The following EDNRA variants were observed in gnomAD, a reference collection of about 807,000 sequenced individuals.
EDNRA encodes endothelin receptor type A.
EDNRA carries 11 observed loss-of-function variants against 41.4 expected under a neutral mutation model. The ratio of observed to expected loss-of-function variants is 0.27; its 90% CI spans 0.17 to 0.44. EDNRA has a LOEUF of 0.44. Ranked by LOEUF, EDNRA falls within the 20% of genes least tolerant of loss-of-function variation. The pLI is 1.00. For synonymous variants in EDNRA, 172 were observed against 183.0 expected (o/e 0.94, Z 0.49); for missense variants, 294 against 531.0 (o/e 0.55, Z 4.39).
chr4:147,488,317 C>T (rs199569618), intron 2 of EDNRA: 1 of 151,660 alleles, frequency 6.6e-6, no homozygotes, highest in African/African-American at 2.4e-5. Flanking sequence ...TAAGTCAGAC[C>T]ATCTGGAATG....
At chr4:147,525,227 G>A (rs575643082) in intron 3 of EDNRA, among the ~76,000 whole-genome samples, 1 of 152,290 alleles carries the variant, frequency 6.6e-6, no homozygotes, top group East Asian at 1.9e-4. Flanking sequence ...CTTTTAATCT[G>A]AATAAGCTAA....
At chr4:147,522,942 G>A (rs995471164) in intron 3 of EDNRA, among the ~76,000 whole-genome samples, 1 of 152,190 alleles carries the variant, frequency 6.6e-6, no homozygotes, top group Non-Finnish European at 1.5e-5. Context: ...CAGTGGTTTG[G>A]CCTGGAAACA....
At chr4:147,516,324 C>T (rs1578798579) in intron 2 of EDNRA, among the ~76,000 whole-genome samples, 1 of 152,342 alleles carries the variant, frequency 6.6e-6, no homozygotes, top group East Asian at 1.9e-4. Flanking sequence ...TCTTAAATAG[C>T]ACAGTATTCT....
intron 2 of EDNRA, among the ~76,000 whole-genome samples, chr4:147,518,678 C>T (rs1295611415): frequency 1.3e-5 from 2 of 151,804 alleles, no homozygotes; most frequent in African/African-American, 4.8e-5. Context: ...TTAAACCTCA[C>T]ATCATCTTTT....
chr4:147,523,262 G>A (rs1377882883), intron 3 of EDNRA, among the ~76,000 whole-genome samples: 1 of 152,110 alleles, frequency 6.6e-6, no homozygotes, highest in Non-Finnish European at 1.5e-5. Context: ...GAAATGGAAG[G>A]GAATAATCTA....
At chr4:147,532,184 G>C (rs1468374769) in intron 3 of EDNRA, among the ~76,000 whole-genome samples, 1 of 148,660 alleles carries the variant, frequency 6.7e-6, no homozygotes, top group Non-Finnish European at 1.5e-5. Flanking sequence ...AAATTAGCCG[G>C]GCGTGGTGGC....
chr4:147,516,936 T>A (rs1474803794), intron 2 of EDNRA, among the ~76,000 whole-genome samples: 2 of 152,064 alleles, frequency 1.3e-5, no homozygotes, highest in Non-Finnish European at 2.9e-5. Context: ...GAAAAAAAGA[T>A]CATAATGGAG....
chr4:147,527,650 A>T (rs2126464511), intron 3 of EDNRA, among the ~76,000 whole-genome samples: 1 of 152,356 alleles, frequency 6.6e-6, no homozygotes, highest in East Asian at 1.9e-4. Flanking sequence ...CACCTTCAAG[A>T]TTCAATAAAC....
chr4:147,536,306 T>C (rs10305918), intron 5 of EDNRA, among the ~76,000 whole-genome samples: 51,628 of 151,904 alleles, frequency 0.34, 10,427 homozygotes, highest in African/African-American at 0.57. Flanking sequence ...TGTGAGTTCG[T>C]GCATTCAATT....
At position 147,539,948 on chromosome 4, in the gene EDNRA, T is replaced by G. The variant is rs1429388979; in HGVS notation, c.1032T>G (p.Leu344=). 3 of 1,604,364 alleles carry G rather than the reference T, an allele frequency of 1.9e-6. No individual in the cohort carries two copies. The highest frequency in any genetic ancestry group is 2.5e-6 in the Non-Finnish European group (3 of 1,177,818). Reference sequence around the variant, plus strand: ...TGGACAAGAACCGATGTGAATTACTTAGGTATGATCCTGTGTACTCGCTAG... The same window carrying G: ...TGGACAAGAACCGATGTGAATTACTGAGGTATGATCCTGTGTACTCGCTAG... ...NEMDKNRCEL[L]SFLLLMDYIG... Residue 344 remains leucine (L), a splice_region_variant and synonymous_variant, in exon 6 of 8, where the codon CTT becomes CTG. Transcript: ENST00000651419.
rs558915902 is a variant in EDNRA, at chr4:147,525,253, A to G, written c.548+5275A>G. ...AATAAGCTAAACAGGACTGAGAGAA[A>G]GCACATGATTTCTGCCAGAATGGAT... On this transcript the variant is annotated intron_variant, in intron 3 of 7. Coordinates refer to ENST00000651419, the MANE Select transcript of EDNRA (RefSeq NM_001957.4). Among the ~76,000 whole-genome samples the G allele has an allele frequency of 6.6e-5, 10 of 152,252 alleles. No homozygotes were observed. The South Asian group carries it at 1.7e-3, about 25-fold the overall frequency.
In EDNRA at chr4:147,542,667, A is replaced by C; in HGVS notation, c.*49A>C. 6.3e-7 allele frequency: 1 copy of C among 1,593,080 alleles called. No homozygotes were observed. The highest frequency in any genetic ancestry group is 8.6e-7 in the Non-Finnish European group (1 of 1,167,866). Reference sequence around the variant, plus strand: ...TACTCCCATAATCCTCTCGGAGAAAAAAATCACAAGGCAACTGTGAGTCCG... The same window carrying C: ...TACTCCCATAATCCTCTCGGAGAAACAAATCACAAGGCAACTGTGAGTCCG... On this transcript the variant is annotated 3_prime_UTR_variant, in exon 8 of 8. Transcript: ENST00000651419.
intron 3 of EDNRA, among the ~76,000 whole-genome samples, chr4:147,521,516 A>C (rs1170165695): frequency 6.6e-6 from 1 of 152,216 alleles, no homozygotes; most frequent in Non-Finnish European, 1.5e-5. Context: ...TAAAAAGCTG[A>C]ATAAACACTT....
Position 147,519,375 on chromosome 4 carries a change from A to G in EDNRA, c.421-476A>G, listed in dbSNP as rs1009921301. 6.6e-6 allele frequency among the ~76,000 whole-genome samples: 1 copy of G among 152,126 alleles called. No individual in the cohort carries two copies. Among genetic ancestry groups the G allele is most frequent in the Non-Finnish European group, 1.5e-5 (1 of 68,006 alleles). On this transcript the variant is annotated intron_variant, in intron 2 of 7. Transcript: ENST00000651419. The surrounding 1 kb of genome is among the most constrained non-coding windows in gnomAD (Gnocchi z 4.1). Reference sequence around the variant, plus strand: ...GTAGTTGAAATTATTTGCTTTACTCATGGTTTAGTAAGCACAGATAAAAAA... The same window carrying G: ...GTAGTTGAAATTATTTGCTTTACTCGTGGTTTAGTAAGCACAGATAAAAAA...
In EDNRA at chr4:147,535,862, T is replaced by C. The variant is rs1373359006; in HGVS notation, c.748-15T>C. 7 of 1,607,732 alleles carry C rather than the reference T, an allele frequency of 4.4e-6. No individual in the cohort carries two copies. The Admixed American group carries it at 5.1e-5, about 12-fold the overall frequency. On this transcript the variant is annotated splice_polypyrimidine_tract_variant and intron_variant, in intron 4 of 7. Coordinates refer to ENST00000651419, the MANE Select transcript of EDNRA (RefSeq NM_001957.4). ...CTGCTCCTCCTTTTCTCTTTTTTTT[T>C]TTTTCACTTTGAAGTTCTACCAAGA...
intron 2 of EDNRA, among the ~76,000 whole-genome samples, chr4:147,511,863 G>A (rs1719567851): frequency 6.6e-6 from 1 of 152,130 alleles, no homozygotes; most frequent in Non-Finnish European, 1.5e-5. Context: ...CCATTTCTAT[G>A]ATGGGAGCTC....
rs1038515691 is a variant in EDNRA, at chr4:147,544,592, T to G, written c.*1974T>G. On this transcript the variant is annotated 3_prime_UTR_variant, in exon 8 of 8. Transcript: ENST00000651419. ...TGCAAGGCTAAGAAGTACTGCCCTT[T>G]TGTGTGTTAGCAGTCAAATCTATTA... 2.0e-5 allele frequency: 3 copies of G among 152,552 alleles called. No individual in the cohort carries two copies. The highest frequency in any genetic ancestry group is 4.4e-5 in the Non-Finnish European group (3 of 68,038). The allele number at this position is 152,552 out of a possible 1,614,324, so 9.4% of individuals were successfully genotyped here. A position where few individuals can be genotyped will look rare whatever the true frequency, so the allele number is the denominator to read the frequency against.
In EDNRA at chr4:147,532,620, G is replaced by A. The variant is rs554620734; in HGVS notation, c.663G>A (p.Ala221=). Reference sequence around the variant, plus strand: ...CCTTTATCCTGGCCATTCCTGAAGCGATTGGCTTCGTCATGGTACCCTTTG... The same window carrying A: ...CCTTTATCCTGGCCATTCCTGAAGCAATTGGCTTCGTCATGGTACCCTTTG... ...ILSFILAIPE[A]IGFVMVPFEY... The change falls in exon 4 of 8, where the codon GCG becomes GCA. Residue 221 remains alanine (A), a synonymous_variant. Transcript: ENST00000651419. 14 of 1,614,050 alleles carry A rather than the reference G, an allele frequency of 8.7e-6. No homozygotes were observed. Among genetic ancestry groups the A allele is most frequent in the South Asian group, 5.5e-5 (5 of 91,062 alleles).
rs948150855 is a variant in EDNRA, at chr4:147,497,620, G to A, written c.420+11519G>A. On this transcript the variant is annotated intron_variant, in intron 2 of 7. Coordinates refer to ENST00000651419, the MANE Select transcript of EDNRA (RefSeq NM_001957.4). ...GGAGTCTCGCTCTGTCGCCCAGGCT[G>A]GAGTGCAGTGGCGCGATCTTGGCTC... Among the ~76,000 whole-genome samples the A allele has an allele frequency of 6.6e-5, 10 of 151,886 alleles. No homozygotes were observed. In the East Asian group the frequency reaches 9.7e-4, roughly 15 times the overall value.
Sources: allele counts gnomAD v4.1 joint callset (sites outside exome capture counted in the v4.1 genomes callset), GRCh38; gene constraint gnomAD v4.1.1; non-coding constraint Gnocchi (gnomAD v3.1); transcripts MANE v1.5; gene names NCBI Gene and HGNC (gene_info 2026-07-23, HGNC 2026-07-21).